Variants in ADGRL2 observed in about 807,000 individuals in gnomAD.
The protein encoded by ADGRL2 is adhesion G protein-coupled receptor L2.
ADGRL2 carries 44 observed loss-of-function variants against 157.4 expected under a neutral mutation model. That is an observed-to-expected ratio of 0.28 (90% CI 0.22 to 0.36). The LOEUF is 0.36. Among genes scored for constraint, ADGRL2 ranks in the 10% least tolerant of loss-of-function variants. The pLI, the probability that ADGRL2 is intolerant of heterozygous loss-of-function variation, is 1.00. For synonymous variants in ADGRL2, 585 were observed against 624.7 expected, an observed-to-expected ratio of 0.94 and a Z score of 0.95; for missense variants, 1,510 against 1,768.9, an observed-to-expected ratio of 0.85 and a Z score of 2.63.
chr1:81,387,129 T>C (rs2076452211), intron 1 of ADGRL2, among the ~76,000 whole-genome samples: 1 of 152,176 alleles, frequency 6.6e-6, no homozygotes, highest in South Asian at 2.1e-4. Flanking sequence ...AGAAGTTACC[T>C]ACTCTACAGA....
intron 1 of ADGRL2, among the ~76,000 whole-genome samples, chr1:81,323,625 C>A (rs1471496043): frequency 6.6e-6 from 1 of 151,832 alleles, no homozygotes; most frequent in African/African-American, 2.4e-5. Flanking sequence ...TAAATAATCA[C>A]ACAAAGAAAC....
intron 1 of ADGRL2, among the ~76,000 whole-genome samples, chr1:81,810,783 G>C (rs2089770306): frequency 1.3e-5 from 2 of 151,828 alleles, no homozygotes; most frequent in African/African-American, 4.8e-5. Flanking sequence ...ATATTAAAGA[G>C]ATGAGCATAA....
At chr1:81,605,036 G>T (rs987912268) in intron 3 of ADGRL2, among the ~76,000 whole-genome samples, 1 of 152,206 alleles carries the variant, frequency 6.6e-6, no homozygotes, top group African/African-American at 2.4e-5. Flanking sequence ...AATAGCTCAG[G>T]TCTTTTCTCT....
intron 3 of ADGRL2, among the ~76,000 whole-genome samples, chr1:81,920,871 A>T: frequency 6.6e-6 from 1 of 151,598 alleles, no homozygotes; most frequent in African/African-American, 2.4e-5. Context: ...AGGAAAAAAA[A>T]AACAAAAAAA....
chr1:81,367,403 T>C (rs2076084951), intron 1 of ADGRL2, among the ~76,000 whole-genome samples: 1 of 152,114 alleles, frequency 6.6e-6, no homozygotes, highest in African/African-American at 2.4e-5. Flanking sequence ...CAGGTTTGTG[T>C]TGTTCCCCAC....
At chr1:81,364,962 C>T (rs972750396) in intron 1 of ADGRL2, among the ~76,000 whole-genome samples, 4 of 152,102 alleles carry the variant, frequency 2.6e-5, no homozygotes, top group Non-Finnish European at 5.9e-5. Context: ...CTGCCCCCAG[C>T]CGGTAATTAA....
At chr1:81,410,310 T>C (rs1234496684) in intron 1 of ADGRL2, among the ~76,000 whole-genome samples, 2 of 152,234 alleles carry the variant, frequency 1.3e-5, no homozygotes, top group African/African-American at 2.4e-5. Flanking sequence ...GCATTGAATT[T>C]AGGTTCTTCT....
At chr1:81,757,298 A>G (rs1407059289) in intron 1 of ADGRL2, among the ~76,000 whole-genome samples, 1 of 152,164 alleles carries the variant, frequency 6.6e-6, no homozygotes, top group African/African-American at 2.4e-5. Flanking sequence ...TTAATAGTAA[A>G]AATAAAAGTG....
intron 3 of ADGRL2, among the ~76,000 whole-genome samples, chr1:81,919,647 A>G (rs2094935102): frequency 6.6e-6 from 1 of 151,902 alleles, no homozygotes; most frequent in African/African-American, 2.4e-5. Context: ...TAATTCTGTA[A>G]TTTTTTTCAT....
intron 1 of ADGRL2, among the ~76,000 whole-genome samples, chr1:81,742,421 A>G (rs76033061): frequency 0.1 from 15,318 of 152,016 alleles, 905 homozygotes; most frequent in African/African-American, 0.15. Context: ...AAACATTTCA[A>G]TTTTCAAATC....
intron 6 of ADGRL2, among the ~76,000 whole-genome samples, chr1:81,948,969 A>G (rs190189447): frequency 8.5e-5 from 13 of 152,310 alleles, no homozygotes; most frequent in African/African-American, 2.6e-4. Context: ...AGAAAGATTG[A>G]TGGACCAGAG....
At position 81,992,006 on chromosome 1, in the gene ADGRL2, T is replaced by C. The variant is rs1664657910; in HGVS notation, c.*861T>C. 1 of 152,582 alleles carries C rather than the reference T, an allele frequency of 6.6e-6. No homozygotes were observed. The highest frequency in any genetic ancestry group is 2.4e-5 in the African/African-American group (1 of 41,438). The allele number at this position is 152,582 out of a possible 1,614,324, so 9.5% of individuals were successfully genotyped here. On this transcript the variant is annotated 3_prime_UTR_variant, in exon 24 of 24. Coordinates refer to ENST00000686636, the MANE Select transcript of ADGRL2 (RefSeq NM_001366006.2). The stretch of plus-strand genomic sequence containing the variant: ...CTTTATTACTTACATTTAAATTTCT[T>C]ATTGCCAAAAGAACGTGTTTTATGG...
intron 1 of ADGRL2, among the ~76,000 whole-genome samples, chr1:81,356,974 G>A (rs370185567): frequency 0.018 from 1,056 of 58,970 alleles, no homozygotes; most frequent in South Asian, 0.025. Flanking sequence ...AAAAAAAAAA[G>A]AAGTTGTTTC....
intron 2 of ADGRL2, among the ~76,000 whole-genome samples, chr1:81,530,356 A>AT (rs553232178): frequency 7.1e-4 from 107 of 151,496 alleles, no homozygotes; most frequent in African/African-American, 2.3e-3. Context: ...TATTATTTGT[A>AT]TTTTTTTTGA....
chr1:81,824,195 A>C (rs187106704), intron 1 of ADGRL2, among the ~76,000 whole-genome samples: 2 of 152,292 alleles, frequency 1.3e-5, no homozygotes, highest in East Asian at 1.9e-4. Flanking sequence ...GTATGTACCC[A>C]AAAAATTTTT....
chr1:81,525,134 G>T (rs1349810638), intron 2 of ADGRL2, among the ~76,000 whole-genome samples: 3 of 152,044 alleles, frequency 2.0e-5, no homozygotes, highest in African/African-American at 7.2e-5. Flanking sequence ...AAACACCTTA[G>T]CTTGTAACTC....
intron 2 of ADGRL2, among the ~76,000 whole-genome samples, chr1:81,778,934 T>C (rs373905698): frequency 6.6e-6 from 1 of 152,228 alleles, no homozygotes; most frequent in East Asian, 1.9e-4. Context: ...ATATGTTTTA[T>C]AGGGCTGCTA....
intron 2 of ADGRL2, among the ~76,000 whole-genome samples, chr1:81,504,494 T>A (rs959707890): frequency 3.3e-5 from 5 of 152,190 alleles, no homozygotes; most frequent in Admixed American, 3.3e-4. Context: ...CTGACTTTTT[T>A]TTTTATTTTA....
At chr1:81,618,148 G>A (rs749671254) in intron 3 of ADGRL2, among the ~76,000 whole-genome samples, 2 of 151,914 alleles carry the variant, frequency 1.3e-5, no homozygotes, top group Non-Finnish European at 2.9e-5. Flanking sequence ...TCATTAAATC[G>A]GTATATTAAG....
Sources: allele counts gnomAD v4.1 joint callset (sites outside exome capture counted in the v4.1 genomes callset), GRCh38; gene constraint gnomAD v4.1.1; transcripts MANE v1.5; gene names NCBI Gene and HGNC (gene_info 2026-07-23, HGNC 2026-07-21).